TRIM5: variants seen among roughly 807,000 people sequenced by gnomAD.
TRIM5 encodes the protein tripartite motif-containing protein 5.
TRIM5 carries 31 observed loss-of-function variants against 35.6 expected under a neutral mutation model. The observed-to-expected ratio is 0.87, with a 90% CI of 0.65 to 1.18. TRIM5 has a LOEUF of 1.18. Among genes scored for constraint, TRIM5 ranks in the 50% most tolerant of loss-of-function variants. The pLI, the probability that TRIM5 is intolerant of heterozygous loss-of-function variation, is 0.00. For synonymous variants in TRIM5, 243 were observed against 215.6 expected (o/e 1.13, Z -1.11); for missense variants, 609 against 591.6 (o/e 1.03, Z -0.31).
chr11:5,648,225 G>T, the TRIM5 span, among the ~76,000 whole-genome samples: 1 of 151,976 alleles, frequency 6.6e-6, no homozygotes, highest in African/African-American at 2.4e-5. Flanking sequence ...ACAGCTTCGG[G>T]GCCGGGCGCG....
At chr11:5,602,956 A>T in the TRIM5 span, among the ~76,000 whole-genome samples, 6 of 152,164 alleles carry the variant, frequency 3.9e-5, no homozygotes, top group Non-Finnish European at 8.8e-5. Flanking sequence ...TCCATCTCAA[A>T]AAAGAAAAAA....
At chr11:5,662,142 T>A (rs1213245556), downstream of TRIM5, among the ~76,000 whole-genome samples, 1 of 152,314 alleles carries the variant, frequency 6.6e-6, no homozygotes. Context: ...TGCACACACA[T>A]AGTTACTGAA....
At chr11:5,673,155 G>C (rs537239207) in intron 4 of TRIM5, among the ~76,000 whole-genome samples, 3 of 152,008 alleles carry the variant, frequency 2.0e-5, no homozygotes, top group Non-Finnish European at 1.5e-5. Context: ...GGGTAAAGAA[G>C]AAGATTCGGT....
the TRIM5 span, chr11:5,604,470 C>G: frequency 6.6e-7 from 1 of 1,525,182 alleles, no homozygotes; most frequent in Non-Finnish European, 8.9e-7. Flanking sequence ...CCCATTCATT[C>G]TATGTCTGGG....
chr11:5,657,608 TTA>T, the TRIM5 span, among the ~76,000 whole-genome samples: 2 of 102,648 alleles, frequency 1.9e-5, no homozygotes, highest in African/African-American at 3.7e-5. Flanking sequence ...TAATATATAT[TTA>T]TATATTATAT....
At chr11:5,601,123 A>G in the TRIM5 span, among the ~76,000 whole-genome samples, 1 of 152,180 alleles carries the variant, frequency 6.6e-6, no homozygotes, top group African/African-American at 2.4e-5. Flanking sequence ...GAAGTTTAAG[A>G]CAGGCCCTGG....
the TRIM5 span, chr11:5,603,821 T>G: frequency 6.6e-7 from 1 of 1,512,460 alleles, no homozygotes; most frequent in Non-Finnish European, 8.8e-7. Flanking sequence ...CTAATCTCTT[T>G]GTAGTCTTTA....
intron 4 of TRIM5, among the ~76,000 whole-genome samples, chr11:5,672,469 C>G (rs1851651936): frequency 6.6e-6 from 1 of 152,056 alleles, no homozygotes; most frequent in Non-Finnish European, 1.5e-5. Context: ...CCCCAGCCTC[C>G]CAAATTGCTG....
downstream of TRIM5, among the ~76,000 whole-genome samples, chr11:5,660,594 T>A (rs936395131): frequency 9.2e-5 from 14 of 152,244 alleles, no homozygotes; most frequent in African/African-American, 3.1e-4. Context: ...AGACAATCTT[T>A]AACTATATGT....
the TRIM5 span, among the ~76,000 whole-genome samples, chr11:5,594,016 AAT>A: frequency 6.6e-6 from 1 of 152,236 alleles, no homozygotes. Context: ...TCCATTTTTT[AAT>A]ATGAGTAAAA....
At chr11:5,647,200 G>A in the TRIM5 span, among the ~76,000 whole-genome samples, 3 of 151,982 alleles carry the variant, frequency 2.0e-5, no homozygotes, top group Admixed American at 6.6e-5. Flanking sequence ...TTGGCAAAGG[G>A]GATTTTATGA....
chr11:5,619,534 A>T, the TRIM5 span, among the ~76,000 whole-genome samples: 1 of 148,424 alleles, frequency 6.7e-6, no homozygotes, highest in African/African-American at 2.5e-5. Flanking sequence ...TTTTGGAGGT[A>T]AATTCCAAGC....
At chr11:5,678,998 T>G (rs910598408) in intron 3 of TRIM5, 76 bp downstream of exon 3, 1 of 1,193,134 alleles carries the variant, frequency 8.4e-7, no homozygotes, top group Non-Finnish European at 1.2e-6. Flanking sequence ...TGTCAGGGAA[T>G]AAAGAGGAAG....
At chr11:5,676,604 T>C (rs1306237865) in intron 4 of TRIM5, among the ~76,000 whole-genome samples, 6 of 151,604 alleles carry the variant, frequency 4.0e-5, no homozygotes, top group Non-Finnish European at 7.4e-5. Context: ...AAAAACTACT[T>C]TAAAGTTCAT....
chr11:5,604,720 C>G, the TRIM5 span: 2 of 1,356,020 alleles, frequency 1.5e-6, no homozygotes, highest in Non-Finnish European at 2.0e-6. Flanking sequence ...CCTGTCTGTC[C>G]TCTGATGCCA....
the TRIM5 span, among the ~76,000 whole-genome samples, chr11:5,592,914 C>CAAAAAAAAAAAAAAAAAAAAAAA: frequency 1.5e-5 from 1 of 67,202 alleles, no homozygotes; most frequent in Non-Finnish European, 2.9e-5. Context: ...GAGATTGTCT[C>CAAAAAAAAAAAAAAAAAAAAAAA]AAAAAAAAAA....
chr11:5,665,628 G>A, intron 7 of TRIM5, 28 bp downstream of exon 7: 1 of 1,570,766 alleles, frequency 6.4e-7, no homozygotes, highest in Non-Finnish European at 8.6e-7. Flanking sequence ...GCCGCAGGGT[G>A]GCTTATGATA....
chr11:5,634,384 C>G, the TRIM5 span, among the ~76,000 whole-genome samples: 1 of 151,006 alleles, frequency 6.6e-6, no homozygotes, highest in African/African-American at 2.4e-5. Context: ...GAAAAAATAG[C>G]TTCCCTCCAA....
At chr11:5,675,068 G>A (rs920816644) in intron 4 of TRIM5, among the ~76,000 whole-genome samples, 3 of 151,540 alleles carry the variant, frequency 2.0e-5, no homozygotes, top group African/African-American at 7.3e-5. Context: ...TCGCACTGTT[G>A]CCCAGGCTGG....
Sources: gnomAD v4.1 joint callset for allele counts (sites outside exome capture counted in the v4.1 genomes callset) on GRCh38, gnomAD v4.1.1 for gene constraint, MANE v1.5 for transcripts, NCBI Gene and HGNC (gene_info 2026-07-23, HGNC 2026-07-21) for gene names.